Variants in FRMPD4 observed in about 807,000 individuals in gnomAD.
FRMPD4 encodes the protein FERM and PDZ domain containing 4, also known as FERM and PDZ domain-containing protein 4.
A neutral mutation model predicts 94.1 loss-of-function variants in FRMPD4; 22 were observed. The observed-to-expected ratio is 0.23, with a 90% CI of 0.17 to 0.33. The LOEUF is 0.33. FRMPD4 is among the 10% of genes least tolerant of loss of function. The probability of loss-of-function intolerance (pLI) is 1.00; values close to 1 mark genes in which losing one functional copy is unlikely to be tolerated. For synonymous variants in FRMPD4, 631 were observed against 548.6 expected (o/e 1.15, Z -2.10); for missense variants, 1,111 against 1,339.9 (o/e 0.83, Z 2.67).
chrX:12,059,529 G>A (rs1022432306), intron 3 of FRMPD4, among the ~76,000 whole-genome samples: 8 of 110,064 alleles, frequency 7.3e-5, no homozygotes, highest in African/African-American at 1.3e-4. Flanking sequence ...GTTATATTGC[G>A]TGATGATGAG....
chrX:12,175,702 C>T (rs926789132), intron 1 of FRMPD4, among the ~76,000 whole-genome samples: 1 of 111,353 alleles, frequency 9.0e-6, no homozygotes, highest in African/African-American at 3.3e-5. Context: ...TTAGTAAAGA[C>T]GGGGTTTTGC....
intron 1 of FRMPD4, among the ~76,000 whole-genome samples, chrX:12,368,506 A>G (rs190127415): frequency 6.8e-4 from 75 of 110,910 alleles, no homozygotes; most frequent in East Asian, 3.1e-3. Flanking sequence ...AACATGTTTT[A>G]CATCTTCTGC....
At chrX:12,713,479 GT>G (rs2042023921) in intron 14 of FRMPD4, among the ~76,000 whole-genome samples, 1 of 84,305 alleles carries the variant, frequency 1.2e-5, no homozygotes, top group African/African-American at 4.6e-5. Context: ...CGGGAGGTAG[GT>G]GGAGAGAGAG....
At chrX:12,671,663 A>G (rs1185400006) in intron 4 of FRMPD4, among the ~76,000 whole-genome samples, 1 of 110,638 alleles carries the variant, frequency 9.0e-6, no homozygotes, top group Non-Finnish European at 1.9e-5. Context: ...GCAGCAAACC[A>G]CCATGGTACG....
At chrX:11,897,917 G>A (rs778838188) in intron 3 of FRMPD4, among the ~76,000 whole-genome samples, 13 of 112,063 alleles carry the variant, frequency 1.2e-4, no homozygotes, top group African/African-American at 2.9e-4. Flanking sequence ...GGAAAGGCAA[G>A]GGCTCATTGA....
chrX:12,437,341 C>CA (rs1308359689), intron 1 of FRMPD4, among the ~76,000 whole-genome samples: 1 of 111,797 alleles, frequency 8.9e-6, no homozygotes, highest in Non-Finnish European at 1.9e-5. Flanking sequence ...TACACACACA[C>CA]ACAAACACAC....
chrX:12,442,186 G>T (rs1445353599), intron 1 of FRMPD4, among the ~76,000 whole-genome samples: 5 of 11,334 alleles, frequency 4.4e-4, no homozygotes, highest in Non-Finnish European at 4.6e-4. Context: ...AAAATATATG[G>T]TTGGTTATAT....
chrX:12,432,966 C>T (rs1482182106), intron 1 of FRMPD4, among the ~76,000 whole-genome samples: 1 of 112,199 alleles, frequency 8.9e-6, no homozygotes, highest in East Asian at 2.8e-4. Flanking sequence ...CAAAAAGTAG[C>T]CATAGAGGTT....
chrX:12,055,169 A>G (rs758843989), intron 3 of FRMPD4, among the ~76,000 whole-genome samples: 1 of 112,179 alleles, frequency 8.9e-6, no homozygotes, highest in Non-Finnish European at 1.9e-5. Flanking sequence ...TCTTTGCCTG[A>G]GCTAACTCAA....
intron 3 of FRMPD4, among the ~76,000 whole-genome samples, chrX:11,949,540 A>C (rs7055964): frequency 0.045 from 5,084 of 112,132 alleles, 301 homozygotes; most frequent in African/African-American, 0.16. Context: ...TTTTGGCAAG[A>C]GTGAACCCTG....
At chrX:12,209,991 G>A (rs1222223381) in intron 1 of FRMPD4, among the ~76,000 whole-genome samples, 1 of 111,627 alleles carries the variant, frequency 9.0e-6, no homozygotes, top group Non-Finnish European at 1.9e-5. Context: ...TTTTTCATAG[G>A]TTCCACTGAA....
At chrX:12,011,871 A>G (rs774209964) in intron 3 of FRMPD4, among the ~76,000 whole-genome samples, 21 of 109,710 alleles carry the variant, frequency 1.9e-4, no homozygotes, top group African/African-American at 7.0e-4. Flanking sequence ...TCATTTGCAA[A>G]TAGAGATAGT....
intron 1 of FRMPD4, among the ~76,000 whole-genome samples, chrX:12,155,658 C>G (rs2055925306): frequency 9.8e-6 from 1 of 102,351 alleles, no homozygotes; most frequent in Non-Finnish European, 2.0e-5. Context: ...GTCCATGCCT[C>G]TTTTTTTGAG....
rs1205663429 is a variant in FRMPD4, at chrX:12,138,701, G to A, written c.-271G>A. 1.0e-5 allele frequency: 3 copies of A among 299,954 alleles called. No homozygotes were observed. The highest frequency in any genetic ancestry group is 1.7e-5 in the Non-Finnish European group (3 of 172,907). 24.7% of individuals were successfully genotyped at this position (299,954 alleles called of 1,213,427 possible). ...CGCGCTCCCCGCCCCCGCCTCTTGC[G>A]CCCTGCCTGGCTCCCTCTCCATTGA... On this transcript the variant is annotated 5_prime_UTR_variant, in exon 1 of 17. Coordinates refer to ENST00000675598, the MANE Select transcript of FRMPD4 (RefSeq NM_001368397.1).
chrX:12,526,053 A>G (rs937436038), intron 2 of FRMPD4, among the ~76,000 whole-genome samples: 5 of 112,412 alleles, frequency 4.4e-5, no homozygotes, highest in African/African-American at 1.6e-4. Context: ...TTCCTGAAAT[A>G]TTTTGTTATA....
rs1406111829 is a variant in FRMPD4, at chrX:12,332,127, A to ATATAATT, written c.42-166549_42-166548insATTTATA. On this transcript the variant is annotated intron_variant, in intron 1 of 16. Transcript: ENST00000675598. ...TTATATTATATATAATTTATATTTT[A>ATATAATT]TATATTATATATAATTTATATTTTA... Among the ~76,000 whole-genome samples, 37 of 66,384 alleles carry ATATAATT rather than the reference A, an allele frequency of 5.6e-4. 2 individuals carry two copies. The highest frequency in any genetic ancestry group is 1.9e-3 in the African/African-American group (37 of 19,438). 57.6% of individuals were successfully genotyped at this position (66,384 alleles called of 115,157 possible). A position where few individuals can be genotyped will look rare whatever the true frequency, so the allele number is the denominator to read the frequency against.
chrX:12,427,783 A>G (rs2056962202), intron 1 of FRMPD4, among the ~76,000 whole-genome samples: 1 of 111,066 alleles, frequency 9.0e-6, no homozygotes, highest in African/African-American at 3.3e-5. Context: ...TTTATTCTAG[A>G]AGTATATTCT....
intron 1 of FRMPD4, among the ~76,000 whole-genome samples, chrX:12,333,622 T>C (rs181416352): frequency 1.7e-3 from 191 of 112,126 alleles, no homozygotes; most frequent in African/African-American, 6.0e-3. Flanking sequence ...TTTATGACTC[T>C]GTGTGGTCTA....
intron 1 of FRMPD4, among the ~76,000 whole-genome samples, chrX:12,424,827 T>C (rs930678752): frequency 8.9e-6 from 1 of 112,905 alleles, no homozygotes; most frequent in African/African-American, 3.2e-5. Context: ...GCATCCCTGT[T>C]CACCAGTGGC....
Sources: gnomAD v4.1 joint callset for allele counts (sites outside exome capture counted in the v4.1 genomes callset) on GRCh38, gnomAD v4.1.1 for gene constraint, MANE v1.5 for transcripts, NCBI Gene and HGNC (gene_info 2026-07-23, HGNC 2026-07-21) for gene names.